The following CEP44 variants were observed in gnomAD, a reference collection of about 807,000 sequenced individuals.
CEP44 encodes centrosomal protein 44, also known as centrosomal protein of 44 kDa.
CEP44 carries 45 observed loss-of-function variants against 46.7 expected under a neutral mutation model. That is an observed-to-expected ratio of 0.96 (90% CI 0.76 to 1.24). The LOEUF is 1.24. Among genes scored for constraint, CEP44 ranks in the 50% most tolerant of loss-of-function variants. The pLI, the probability that CEP44 is intolerant of heterozygous loss-of-function variation, is 0.00. For synonymous variants in CEP44, 142 were observed against 146.0 expected (o/e 0.97, Z 0.20); for missense variants, 475 against 459.7 (o/e 1.03, Z -0.30).
chr4:174,311,684 A>C lies in CEP44; in HGVS notation c.961+826A>C. Among the ~76,000 whole-genome samples the C allele has an allele frequency of 6.6e-6, 1 of 152,184 alleles. No homozygotes were observed. Among genetic ancestry groups the C allele is most frequent in the East Asian group, 1.9e-4 (1 of 5,208 alleles). ...TTCTTGAAGTAACCATTGCAAGATA[A>C]GTACTATTTTTATATTTTACAGTTG... On this transcript the variant is annotated intron_variant, in intron 9 of 11. Transcript: ENST00000503780. The surrounding 1 kb of genome is among the most constrained non-coding windows in gnomAD (Gnocchi z 4.4).
Position 174,329,121 on chromosome 4 carries a change from T to C in CEP44, c.1087-2361T>C, listed in dbSNP as rs1394781272. On this transcript the variant is annotated intron_variant, in intron 8 of 8. Coordinates refer to the CEP44 transcript ENST00000426172. The surrounding 1 kb of genome is among the most constrained non-coding windows in gnomAD (Gnocchi z 4.0). Reference sequence around the variant, plus strand: ...GCCACTGCACCTGGATTTTTTTTTATTGGTATTTTTTCGGATTTGGGATCT... The same window carrying C: ...GCCACTGCACCTGGATTTTTTTTTACTGGTATTTTTTCGGATTTGGGATCT... Among the ~76,000 whole-genome samples the C allele has an allele frequency of 6.6e-6, 1 of 152,038 alleles. No individual in the cohort carries two copies. Among genetic ancestry groups the C allele is most frequent in the Non-Finnish European group, 1.5e-5 (1 of 68,012 alleles).
chr4:174,295,592 C>T (rs377490676), intron 1 of CEP44, among the ~76,000 whole-genome samples: 2 of 151,768 alleles, frequency 1.3e-5, no homozygotes, highest in Non-Finnish European at 2.9e-5. Context: ...GGGTGGCGGC[C>T]GGGCAGAGGC....
exon 9 of CEP44, chr4:174,333,291 T>A (rs1178803878): frequency 1.4e-5 from 2 of 147,796 alleles, no homozygotes; most frequent in Non-Finnish European, 1.5e-5. Flanking sequence ...GTCATTTATC[T>A]AGTATGCATA....
chr4:174,296,183 T>C (rs1738985765), intron 1 of CEP44, among the ~76,000 whole-genome samples: 1 of 152,262 alleles, frequency 6.6e-6, no homozygotes, highest in African/African-American at 2.4e-5. Context: ...ATATTCTTCC[T>C]ATGTGATCTT....
intron 1 of CEP44, among the ~76,000 whole-genome samples, chr4:174,289,280 G>A (rs1161580880): frequency 6.8e-6 from 1 of 146,414 alleles, no homozygotes; most frequent in African/African-American, 2.6e-5. Context: ...AATGACTTTG[G>A]AAGTGTTCCC....
rs918889144 is a variant in CEP44 at position 174,316,522 on chromosome 4, A to C, written c.1087-8A>C. The C allele has an allele frequency of 6.3e-7, 1 of 1,583,218 alleles. No homozygotes were observed. Among genetic ancestry groups the C allele is most frequent in the Non-Finnish European group, 8.6e-7 (1 of 1,161,366 alleles). On this transcript the variant is annotated splice_polypyrimidine_tract_variant and splice_region_variant and intron_variant, in intron 10 of 11. Coordinates refer to ENST00000503780, the MANE Select transcript of CEP44 (RefSeq NM_001040157.3). ...AATCATCTAAATTTGTTGCTTTTTA[A>C]ATTAAAGGAAACAACAATCCAGAAA...
chr4:174,302,349 A>G (rs1279181501), intron 4 of CEP44, among the ~76,000 whole-genome samples, 163 bp downstream of exon 4: 1 of 152,166 alleles, frequency 6.6e-6, no homozygotes, highest in African/African-American at 2.4e-5. Flanking sequence ...ATCAAGATGC[A>G]ATTCATGTTT....
At position 174,288,694 on chromosome 4, in the gene CEP44, A is replaced by G. The variant is rs1330287213; in HGVS notation, c.-148+4751A>G. Among the ~76,000 whole-genome samples the G allele has an allele frequency of 3.9e-5, 6 of 152,104 alleles. No homozygotes were observed. Among genetic ancestry groups the G allele is most frequent in the African/African-American group, 2.4e-5 (1 of 41,418 alleles). ...ACATCTAAGATCATGTCATCTGCAA[A>G]CAGATATTGTACCTCTTCTCTTTTT... On this transcript the variant is annotated intron_variant, in intron 1 of 11. Coordinates refer to ENST00000503780, the MANE Select transcript of CEP44 (RefSeq NM_001040157.3). The surrounding 1 kb of genome is among the most constrained non-coding windows in gnomAD (Gnocchi z 4.6).
rs771058818 is a variant in CEP44, at chr4:174,316,206, G to A, written c.1002G>A (p.Leu334=). The A allele has an allele frequency of 2.5e-6, 4 of 1,613,908 alleles. No homozygotes were observed. Among genetic ancestry groups the A allele is most frequent in the Non-Finnish European group, 3.4e-6 (4 of 1,179,926 alleles). Residue 334 remains leucine, a synonymous_variant, in exon 10 of 12, where the codon CTG becomes CTA. Coordinates refer to ENST00000503780, the MANE Select transcript of CEP44 (RefSeq NM_001040157.3). ...SEVERPASIP[L]SSGYSTASSD... is the part of the protein sequence containing the mutation. ...TAGAGAGGCCAGCAAGTATTCCTCTGTCCTCTGGCTATAGTACAGCATCAT... is the reference window on the plus strand; with the variant it reads ...TAGAGAGGCCAGCAAGTATTCCTCTATCCTCTGGCTATAGTACAGCATCAT...
intron 1 of CEP44, among the ~76,000 whole-genome samples, chr4:174,293,751 A>C (rs1430633223): frequency 6.6e-6 from 1 of 152,172 alleles, no homozygotes; most frequent in Non-Finnish European, 1.5e-5. Flanking sequence ...AATGAAGACC[A>C]CTTTATTCCT....
At position 174,297,358 on chromosome 4, in the gene CEP44, A is replaced by G. The variant is rs972315456; in HGVS notation, c.-147-608A>G. On this transcript the variant is annotated intron_variant, in intron 1 of 11. Coordinates refer to ENST00000503780, the MANE Select transcript of CEP44 (RefSeq NM_001040157.3). This position sits in a 1 kb window ranked among gnomAD's most constrained non-coding sequence, Gnocchi z 4.3. ...TTTAAGGTATTTATATATACTTTTC[A>G]TACTGAAGCTTCCCTCTAATAGTTA... Among the ~76,000 whole-genome samples the G allele has an allele frequency of 6.6e-6, 1 of 152,018 alleles. No homozygotes were observed. Among genetic ancestry groups the G allele is most frequent in the Admixed American group, 6.6e-5 (1 of 15,254 alleles).
chr4:174,286,807 G>A lies in CEP44; in HGVS notation c.-148+2864G>A, dbSNP rs1330341682. 2.0e-5 allele frequency among the ~76,000 whole-genome samples: 3 copies of A among 152,086 alleles called. No individual in the cohort carries two copies. The highest frequency in any genetic ancestry group is 2.1e-4 in the South Asian group (1 of 4,828). On this transcript the variant is annotated intron_variant, in intron 1 of 11. Transcript: ENST00000503780. The surrounding 1 kb of genome is among the most constrained non-coding windows in gnomAD (Gnocchi z 5.2). ...ATCATTTTGTTTAAAGTCTCAGTTC[G>A]TTCAAATCTTTTGGTTCACGTATGT...
intron 1 of CEP44, among the ~76,000 whole-genome samples, chr4:174,294,057 T>G (rs1029957916): frequency 2.0e-5 from 3 of 152,018 alleles, no homozygotes; most frequent in Non-Finnish European, 2.9e-5. Flanking sequence ...TTTTTTTTTT[T>G]TTTTTATTGA....
intron 6 of CEP44, among the ~76,000 whole-genome samples, chr4:174,307,619 A>G (rs1484251114): frequency 6.6e-6 from 1 of 152,234 alleles, no homozygotes; most frequent in Non-Finnish European, 1.5e-5. Flanking sequence ...AATGGGATCT[A>G]ATTGAACTAA....
At position 174,326,978 on chromosome 4, in the gene CEP44, G is replaced by A. The variant is rs191461153; in HGVS notation, c.1087-4504G>A. On this transcript the variant is annotated intron_variant, in intron 8 of 8. Transcript: ENST00000426172. This position sits in a 1 kb window ranked among gnomAD's most constrained non-coding sequence, Gnocchi z 4.8. ...TTTCAGCAATTAGAAGAGCTATGTA[G>A]AAAAACCAAAATAAACTACAGACAG... Among the ~76,000 whole-genome samples the A allele has an allele frequency of 0.012, 1,871 of 151,720 alleles. 17 individuals are homozygous for A. Among genetic ancestry groups the A allele is most frequent in the Middle Eastern group, 0.031 (9 of 292 alleles).
At position 174,318,745 on chromosome 4, in the gene CEP44, T is replaced by C; in HGVS notation, c.*1362T>C. On this transcript the variant is annotated 3_prime_UTR_variant, in exon 12 of 12. Coordinates refer to ENST00000503780, the MANE Select transcript of CEP44 (RefSeq NM_001040157.3). ...GTAGAAATCACTTAAATTTTTTTTG[T>C]GTTTGTGAATTTGAAACAGTGTAAG... is the stretch of plus-strand genomic sequence containing the variant. 1.3e-6 allele frequency: 1 copy of C among 783,736 alleles called. No homozygotes were observed. The highest frequency in any genetic ancestry group is 1.5e-6 in the Non-Finnish European group (1 of 647,064). The allele number at this position is 783,736 out of a possible 1,614,324, so 48.5% of individuals were successfully genotyped here.
rs1210523351 is a variant in CEP44 at position 174,318,053 on chromosome 4, GCT to G, written c.*673_*674del. ...AGAAATGTGTTGAACATTTTAGTAT[GCT>G]CTATTGTATAATTTTTTTGGAGGGG... On this transcript the variant is annotated 3_prime_UTR_variant, in exon 12 of 12. Coordinates refer to ENST00000503780, the MANE Select transcript of CEP44 (RefSeq NM_001040157.3). 10 of 985,238 alleles carry G rather than the reference GCT, an allele frequency of 1.0e-5. No homozygotes were observed. The highest frequency in any genetic ancestry group is 1.2e-5 in the Non-Finnish European group (10 of 829,944). The allele number at this position is 985,238 out of a possible 1,614,324, so 61.0% of individuals were successfully genotyped here.
At chr4:174,294,017 C>T (rs894085071) in intron 1 of CEP44, among the ~76,000 whole-genome samples, 3 of 145,178 alleles carry the variant, frequency 2.1e-5, no homozygotes, top group East Asian at 2.0e-4. Context: ...TTTTGAGCCT[C>T]TTCATATTAT....
At chr4:174,323,785 A>G (rs1329929107), downstream of CEP44, among the ~76,000 whole-genome samples, 4 of 152,084 alleles carry the variant, frequency 2.6e-5, no homozygotes, top group African/African-American at 9.7e-5. Context: ...TCTGATGTCA[A>G]AAGGGCACTC....
Sources: gnomAD v4.1 joint callset for allele counts (sites outside exome capture counted in the v4.1 genomes callset) on GRCh38, gnomAD v4.1.1 for gene constraint, Gnocchi (gnomAD v3.1) non-coding constraint, MANE v1.5 for transcripts, NCBI Gene and HGNC (gene_info 2026-07-23, HGNC 2026-07-21) for gene names.